The following DENND1B variants were observed in gnomAD, a reference collection of about 807,000 sequenced individuals.
The protein encoded by DENND1B is DENN domain containing 1B.
Under a neutral mutation model 90.1 loss-of-function variants are expected in DENND1B, and 59 were observed. The observed-to-expected ratio is 0.65, with a 90% CI of 0.53 to 0.81. The LOEUF is 0.81. Ranked by LOEUF, DENND1B falls within the 40% of genes least tolerant of loss-of-function variation. DENND1B has a pLI of 0.00. For missense variants in DENND1B, 862 were observed against 912.6 expected (o/e 0.94, Z 0.71); for synonymous variants, 337 against 324.6 (o/e 1.04, Z -0.41).
Position 197,516,953 on chromosome 1 carries a change from T to A in DENND1B, c.1516-4000A>T, listed in dbSNP as rs989685418. On this transcript the variant is annotated intron_variant, in intron 20 of 22. Coordinates refer to ENST00000620048, the MANE Select transcript of DENND1B (RefSeq NM_001195215.2). ...AGCTCAAATGTAGCCTCTGGAAAGC[T>A]TTATCTGCTAAGTGTTCCTCTGTAT... Among the ~76,000 whole-genome samples the A allele has an allele frequency of 2.0e-5, 3 of 151,980 alleles. No homozygotes were observed. In the East Asian group the frequency reaches 5.8e-4, roughly 29 times the overall value.
chr1:197,536,038 G>A (rs1669852794), intron 20 of DENND1B, among the ~76,000 whole-genome samples: 1 of 151,582 alleles, frequency 6.6e-6, no homozygotes, highest in Non-Finnish European at 1.5e-5. Flanking sequence ...ATGGGAGAGG[G>A]AGGAAGATGG....
intron 13 of DENND1B, 38 bp downstream of exon 13, chr1:197,607,035 A>G: frequency 6.8e-7 from 1 of 1,463,664 alleles, no homozygotes; most frequent in South Asian, 1.2e-5. Context: ...TCCAGGAGAA[A>G]ACATATATGT....
intron 2 of DENND1B, among the ~76,000 whole-genome samples, chr1:197,765,156 T>C (rs537427177): frequency 1.3e-5 from 2 of 152,348 alleles, no homozygotes; most frequent in South Asian, 2.1e-4. Context: ...GATCACCTTT[T>C]AGCAAGTTCC....
chr1:197,666,720 C>G (rs1654970466), intron 5 of DENND1B, among the ~76,000 whole-genome samples: 1 of 152,198 alleles, frequency 6.6e-6, no homozygotes, highest in South Asian at 2.1e-4. Flanking sequence ...CTGGAAGCAG[C>G]ACAGTCTGTT....
chr1:197,510,709 A>G lies in DENND1B; in HGVS notation c.2079T>C (p.Val693=). 1 of 1,612,750 alleles carries G rather than the reference A, an allele frequency of 6.2e-7. No homozygotes were observed. The highest frequency in any genetic ancestry group is 2.2e-5 in the East Asian group (1 of 44,832). ...GLDFQLTSPE[V]SQTDKGKTEK... ...CTGTTTTTCCTTTATCAGTCTGGGA[A>G]ACTTCAGGGGAAGTGAGTTGGAAAT... is the stretch of plus-strand genomic sequence containing the variant. The change falls in exon 23 of 23, where the codon GTT becomes GTC. Residue 693 remains valine (V), a synonymous_variant. Transcript: ENST00000620048.
chr1:197,547,627 T>C (rs894016237), intron 16 of DENND1B, among the ~76,000 whole-genome samples: 3 of 152,208 alleles, frequency 2.0e-5, no homozygotes, highest in Non-Finnish European at 4.4e-5. Flanking sequence ...CAAATTTTTT[T>C]TCTTAACTTG....
At chr1:197,749,184 TC>T (rs953110822) in intron 2 of DENND1B, among the ~76,000 whole-genome samples, 12 of 151,694 alleles carry the variant, frequency 7.9e-5, no homozygotes, top group African/African-American at 2.4e-4. Context: ...ATGAACTGTG[TC>T]CCCAAGGGAA....
chr1:197,684,636 C>T (rs911000542), intron 3 of DENND1B, among the ~76,000 whole-genome samples: 1 of 152,094 alleles, frequency 6.6e-6, no homozygotes, highest in African/African-American at 2.4e-5. Context: ...GTTCTATTCC[C>T]TTGAAATTAT....
intron 1 of DENND1B, among the ~76,000 whole-genome samples, chr1:197,773,520 T>C (rs1194481948): frequency 6.6e-6 from 1 of 152,218 alleles, no homozygotes; most frequent in East Asian, 1.9e-4. Context: ...ACTGTACTTA[T>C]GCATATTTAA....
chr1:197,542,357 A>G (rs1202362264), intron 18 of DENND1B, among the ~76,000 whole-genome samples: 4 of 152,226 alleles, frequency 2.6e-5, no homozygotes, highest in African/African-American at 9.6e-5. Flanking sequence ...TAAAAATGTT[A>G]TAAGAACAGG....
intron 2 of DENND1B, among the ~76,000 whole-genome samples, chr1:197,766,618 G>A (rs1655733944): frequency 6.6e-6 from 1 of 151,998 alleles, no homozygotes. Flanking sequence ...TTTGAGGATG[G>A]GGTATTCCAA....
chr1:197,629,644 T>A (rs301504), intron 10 of DENND1B, among the ~76,000 whole-genome samples: 39 of 151,988 alleles, frequency 2.6e-4, no homozygotes, highest in African/African-American at 8.9e-4. Context: ...AAGCTGCACA[T>A]TGTGCACATG....
At chr1:197,629,545 GA>G (rs1291313820) in intron 10 of DENND1B, among the ~76,000 whole-genome samples, 1 of 115,422 alleles carries the variant, frequency 8.7e-6, no homozygotes, top group Non-Finnish European at 1.7e-5. Flanking sequence ...GGGGAGGGGG[GA>G]GGGGTAACAT....
chr1:197,723,623 G>T (rs2102283560), intron 2 of DENND1B, among the ~76,000 whole-genome samples: 1 of 152,218 alleles, frequency 6.6e-6, no homozygotes, highest in South Asian at 2.1e-4. Context: ...TTAATAGGTT[G>T]CTTGTAGAAA....
At chr1:197,706,932 A>G (rs1659594454) in intron 3 of DENND1B, among the ~76,000 whole-genome samples, 1 of 152,204 alleles carries the variant, frequency 6.6e-6, no homozygotes, top group South Asian at 2.1e-4. Context: ...CTGGGTATAT[A>G]TCCAAACGAA....
In DENND1B at chr1:197,617,722, T is replaced by C. The variant is rs753015683; in HGVS notation, c.710A>G (p.Tyr237Cys). The change falls in exon 11 of 23, where the codon TAC becomes TGC. Residue 237 changes from tyrosine to cysteine, a missense_variant. Physicochemically the swap from Tyr to Cys is radical, Grantham distance 194. Coordinates refer to ENST00000620048, the MANE Select transcript of DENND1B (RefSeq NM_001195215.2). ...ACIHGSAALL[Y>C]PMYWQHIYIP... ...GTATATGTGTTGCCAATACATTGGG[T>C]ATAGAAGAGCAGCTGATCCATGGAT... 1.9e-6 allele frequency: 3 copies of C among 1,607,574 alleles called. No homozygotes were observed. The East Asian group carries it at 6.7e-5, about 36-fold the overall frequency.
intron 15 of DENND1B, among the ~76,000 whole-genome samples, chr1:197,576,799 G>T (rs913074565): frequency 6.6e-6 from 1 of 151,884 alleles, no homozygotes; most frequent in Admixed American, 6.6e-5. Context: ...AAGGTTTTGG[G>T]GGAACATTAA....
intron 3 of DENND1B, among the ~76,000 whole-genome samples, chr1:197,713,775 T>TTATATTATTATAA (rs1660214823): frequency 1.4e-4 from 2 of 14,472 alleles, no homozygotes; most frequent in Non-Finnish European, 2.1e-4. Context: ...TATTATATTA[T>TTATATTATTATAA]TATATTATAT....
At chr1:197,591,829 G>A (rs1308671845) in intron 14 of DENND1B, among the ~76,000 whole-genome samples, 2 of 151,974 alleles carry the variant, frequency 1.3e-5, no homozygotes, top group South Asian at 2.1e-4. Flanking sequence ...AGTGTATCAC[G>A]GCCGGGCGCG....
Sources: gnomAD v4.1 joint callset for allele counts (sites outside exome capture counted in the v4.1 genomes callset) on GRCh38, gnomAD v4.1.1 for gene constraint, MANE v1.5 for transcripts, NCBI Gene and HGNC (gene_info 2026-07-23, HGNC 2026-07-21) for gene names.